COMMD1: variants seen among roughly 807,000 people sequenced by gnomAD.
The protein encoded by COMMD1 is COMM domain-containing protein 1.
COMMD1 carries 10 observed loss-of-function variants against 17.2 expected under a neutral mutation model. That is an observed-to-expected ratio of 0.58 (90% CI 0.36 to 0.99). The LOEUF (loss-of-function observed/expected upper bound fraction) is 0.99, where lower values mean the gene tolerates loss of function less well. COMMD1 is among the 50% of genes least tolerant of loss of function. COMMD1 has a pLI of 0.01. For missense variants in COMMD1, 270 were observed against 231.8 expected (o/e 1.17, Z -1.07); for synonymous variants, 97 against 91.6 (o/e 1.06, Z -0.34).
At chr2:62,050,162 A>G (rs776809050) in intron 2 of COMMD1, among the ~76,000 whole-genome samples, 14 of 152,316 alleles carry the variant, frequency 9.2e-5, no homozygotes, top group Middle Eastern at 3.4e-3. Flanking sequence ...ATGCCTTTTT[A>G]TGAAGCTTCT....
intron 2 of COMMD1, among the ~76,000 whole-genome samples, chr2:62,118,715 T>C (rs1672665556): frequency 6.6e-6 from 1 of 152,224 alleles, no homozygotes; most frequent in Non-Finnish European, 1.5e-5. Context: ...TCCCCGTAAA[T>C]TAAATTACAT....
rs569901550 is a variant in COMMD1 at position 61,934,313 on chromosome 2, T to G, written c.180+28455T>G. Among the ~76,000 whole-genome samples, 14 of 152,340 alleles carry G rather than the reference T, an allele frequency of 9.2e-5. No homozygotes were observed. The East Asian group carries it at 2.7e-3, about 29-fold the overall frequency. ...AGAATGAACCATGGGATGTCCACAG[T>G]AAATGAATTTTGCCTTAGGCTTGAG... is the stretch of plus-strand genomic sequence containing the variant. On this transcript the variant is annotated intron_variant, in intron 1 of 2. Transcript: ENST00000311832.
intron 2 of COMMD1, among the ~76,000 whole-genome samples, chr2:62,129,432 T>C (rs994526240): frequency 3.3e-5 from 5 of 152,144 alleles, no homozygotes; most frequent in East Asian, 1.9e-4. Flanking sequence ...AAAATTTTAA[T>C]TGGGGCCAGT....
chr2:62,112,048 C>A (rs1672469047), intron 2 of COMMD1, among the ~76,000 whole-genome samples: 2 of 152,196 alleles, frequency 1.3e-5, no homozygotes, highest in South Asian at 4.1e-4. Context: ...TGAACCAGTA[C>A]ATCAACAAGT....
intron 2 of COMMD1, among the ~76,000 whole-genome samples, chr2:62,005,081 G>A (rs1459809282): frequency 6.6e-6 from 1 of 152,202 alleles, no homozygotes; most frequent in Non-Finnish European, 1.5e-5. Flanking sequence ...ACATGTTGAT[G>A]CTCAGACCTT....
chr2:61,981,094 T>A (rs1002951572), intron 1 of COMMD1, among the ~76,000 whole-genome samples: 2 of 152,210 alleles, frequency 1.3e-5, no homozygotes, highest in African/African-American at 4.8e-5. Flanking sequence ...TCTCCCATTC[T>A]GTGGATTGTC....
chr2:61,932,149 C>T (rs372484057), intron 1 of COMMD1, among the ~76,000 whole-genome samples: 10 of 152,200 alleles, frequency 6.6e-5, no homozygotes, highest in Admixed American at 3.3e-4. Flanking sequence ...CCTGAGCCAC[C>T]GCGTCTGGCC....
intron 1 of COMMD1, among the ~76,000 whole-genome samples, chr2:61,899,301 T>A (rs529024920): frequency 6.6e-6 from 1 of 152,336 alleles, no homozygotes; most frequent in African/African-American, 2.4e-5. Context: ...AAGTTGAGAC[T>A]GAGAAAATTC....
At chr2:61,939,944 C>T (rs1670699872) in intron 1 of COMMD1, among the ~76,000 whole-genome samples, 1 of 152,120 alleles carries the variant, frequency 6.6e-6, no homozygotes, top group Non-Finnish European at 1.5e-5. Flanking sequence ...TCTTGTATTC[C>T]CAGGTAGCAA....
Position 62,048,977 on chromosome 2 carries a change from A to G in COMMD1, c.462+47995A>G, listed in dbSNP as rs1290394575. On this transcript the variant is annotated intron_variant, in intron 2 of 2. Transcript: ENST00000311832. Reference sequence around the variant, plus strand: ...GGATATAGTGGTTACTGGTCACATCATAGTCTTAATAATTTTTAGATGTTA... The same window carrying G: ...GGATATAGTGGTTACTGGTCACATCGTAGTCTTAATAATTTTTAGATGTTA... Among the ~76,000 whole-genome samples the G allele has an allele frequency of 2.0e-5, 3 of 152,284 alleles. No homozygotes were observed. The East Asian group carries it at 5.8e-4, about 29-fold the overall frequency.
chr2:62,006,376 G>A (rs1669122275), intron 2 of COMMD1, among the ~76,000 whole-genome samples: 3 of 151,698 alleles, frequency 2.0e-5, no homozygotes, highest in South Asian at 4.2e-4. Context: ...AAAATTGGAA[G>A]CCAAGTACAT....
intron 1 of COMMD1, among the ~76,000 whole-genome samples, chr2:61,961,984 C>G (rs886621606): frequency 2.0e-5 from 3 of 152,040 alleles, no homozygotes; most frequent in African/African-American, 7.2e-5. Context: ...CTGTAAATTT[C>G]TATTTTTTTC....
rs28865050 is a variant in COMMD1, at chr2:61,941,045, T to C, written c.180+35187T>C. Among the ~76,000 whole-genome samples the C allele has an allele frequency of 5.9e-3, 809 of 136,654 alleles. 10 individuals carry two copies. Among genetic ancestry groups the C allele is most frequent in the African/African-American group, 0.024 (722 of 30,650 alleles). 89.7% of individuals were successfully genotyped at this position (136,654 alleles called of 152,430 possible). On this transcript the variant is annotated intron_variant, in intron 1 of 2. Transcript: ENST00000311832. Reference sequence around the variant, plus strand: ...CCTTTTTTTTGTTAATAACCCCCCCTTTTTTTTTGGGATGGAGTCTCGCCC... The same window carrying C: ...CCTTTTTTTTGTTAATAACCCCCCCCTTTTTTTTGGGATGGAGTCTCGCCC...
chr2:62,005,434 A>G (rs1374246998), intron 2 of COMMD1, among the ~76,000 whole-genome samples: 2 of 152,236 alleles, frequency 1.3e-5, no homozygotes, highest in African/African-American at 4.8e-5. Context: ...CTAAAAAGTA[A>G]CATTTGAAAA....
chr2:62,135,470 C>T (rs1339845706), intron 2 of COMMD1, among the ~76,000 whole-genome samples: 1 of 152,090 alleles, frequency 6.6e-6, no homozygotes, highest in Non-Finnish European at 1.5e-5. Flanking sequence ...CCTGCCTCAG[C>T]CTCCTGAGTA....
chr2:62,135,101 G>A (rs918559620), intron 2 of COMMD1, among the ~76,000 whole-genome samples: 3 of 152,044 alleles, frequency 2.0e-5, no homozygotes, highest in Non-Finnish European at 2.9e-5. Context: ...TATGGACTTC[G>A]GCGTCATCCA....
chr2:62,094,391 T>C (rs1046279422), intron 2 of COMMD1, among the ~76,000 whole-genome samples: 2 of 152,182 alleles, frequency 1.3e-5, no homozygotes, highest in African/African-American at 4.8e-5. Flanking sequence ...GCAGCCAGTA[T>C]AGCCCTCAGT....
rs545188832 is a variant in COMMD1 at position 61,948,688 on chromosome 2, G to A, written c.180+42830G>A. Reference sequence around the variant, plus strand: ...ATTTTTCTAGTGGATAGAACAAATTGCTCAATATGAGGGCTAAAACTTTTT... The same window carrying A: ...ATTTTTCTAGTGGATAGAACAAATTACTCAATATGAGGGCTAAAACTTTTT... On this transcript the variant is annotated intron_variant, in intron 1 of 2. Coordinates refer to ENST00000311832, the MANE Select transcript of COMMD1 (RefSeq NM_152516.4). 7.6e-4 allele frequency among the ~76,000 whole-genome samples: 116 copies of A among 152,236 alleles called. 1 individual carries two copies. The highest frequency in any genetic ancestry group is 2.7e-3 in the African/African-American group (113 of 41,562).
chr2:61,925,947 T>G (rs1017580039), intron 1 of COMMD1, among the ~76,000 whole-genome samples: 4 of 146,220 alleles, frequency 2.7e-5, no homozygotes, highest in African/African-American at 7.8e-5. Context: ...AGAGTTAGTG[T>G]TTTTTTTTTG....
Sources: allele counts gnomAD v4.1 joint callset (sites outside exome capture counted in the v4.1 genomes callset), GRCh38; gene constraint gnomAD v4.1.1; transcripts MANE v1.5; gene names NCBI Gene and HGNC (gene_info 2026-07-23, HGNC 2026-07-21).